SBF2: variants seen among roughly 807,000 people sequenced by gnomAD.
The protein encoded by SBF2 is myotubularin-related protein 13.
SBF2 carries 112 observed loss-of-function variants against 225.2 expected under a neutral mutation model. The observed-to-expected ratio is 0.50, with a 90% CI of 0.43 to 0.58. SBF2 has a LOEUF of 0.58. Ranked by LOEUF, SBF2 falls within the 20% of genes least tolerant of loss-of-function variation. SBF2 has a pLI of 0.00. For synonymous variants in SBF2, 763 were observed against 773.3 expected (o/e 0.99, Z 0.22); for missense variants, 1,996 against 2,206.2 (o/e 0.90, Z 1.91).
At chr11:10,249,516 T>C (rs1197682948) in intron 1 of SBF2, among the ~76,000 whole-genome samples, 1 of 152,228 alleles carries the variant, frequency 6.6e-6, no homozygotes, top group Admixed American at 6.6e-5. Context: ...CCTCTATCAA[T>C]GAGTAAACAT....
chr11:9,882,795 C>CAAAAAAAAAAAAAA (rs56699466), intron 17 of SBF2, among the ~76,000 whole-genome samples: 1 of 90,098 alleles, frequency 1.1e-5, no homozygotes, highest in African/African-American at 3.3e-5. Flanking sequence ...GTGACAGAGT[C>CAAAAAAAAAAAAAA]AAAAAAAAAA....
intron 12 of SBF2, among the ~76,000 whole-genome samples, chr11:9,990,746 C>T (rs1371566510): frequency 6.6e-6 from 1 of 152,052 alleles, no homozygotes. Context: ...TTTGTACAAA[C>T]AATAAATAAA....
intron 13 of SBF2, among the ~76,000 whole-genome samples, chr11:9,974,497 TAA>T (rs1484645119): frequency 2.0e-5 from 3 of 151,962 alleles, no homozygotes; most frequent in Non-Finnish European, 4.4e-5. Flanking sequence ...TTTCCTATTC[TAA>T]GACAAGTACT....
intron 16 of SBF2, among the ~76,000 whole-genome samples, chr11:9,932,974 A>C (rs75300844): frequency 1.6e-4 from 24 of 148,276 alleles, no homozygotes; most frequent in South Asian, 6.3e-4. Context: ...AAAAAAAAAA[A>C]AAAAAAAAAA....
upstream of SBF2, among the ~76,000 whole-genome samples, chr11:10,297,973 A>G (rs1964563484): frequency 6.6e-6 from 1 of 152,214 alleles, no homozygotes; most frequent in African/African-American, 2.4e-5. Context: ...CCTTTCACCA[A>G]AGAGAGAGAG....
chr11:9,905,139 C>T (rs1354150765), intron 16 of SBF2, among the ~76,000 whole-genome samples: 4 of 152,184 alleles, frequency 2.6e-5, no homozygotes, highest in African/African-American at 9.7e-5. Context: ...ATGTAAAATA[C>T]TTAAAATTGT....
intron 16 of SBF2, among the ~76,000 whole-genome samples, chr11:9,950,143 G>A (rs1053455319): frequency 1.3e-5 from 2 of 148,936 alleles, no homozygotes; most frequent in Non-Finnish European, 3.0e-5. Flanking sequence ...CTCGTAAGCA[G>A]GGATTAAAAA....
intron 16 of SBF2, chr11:9,915,628 T>A (rs1863020939): frequency 6.6e-6 from 1 of 152,080 alleles, no homozygotes; most frequent in Non-Finnish European, 1.5e-5. Flanking sequence ...AGACCAGACT[T>A]AAGGTTCCTG....
At chr11:9,786,976 A>T (rs572344254) in intron 36 of SBF2, among the ~76,000 whole-genome samples, 1 of 152,218 alleles carries the variant, frequency 6.6e-6, no homozygotes, top group Non-Finnish European at 1.5e-5. Context: ...ACTCACTGCA[A>T]CCTCCGCCTC....
chr11:10,044,315 T>G (rs991752455), intron 2 of SBF2, among the ~76,000 whole-genome samples: 1 of 151,226 alleles, frequency 6.6e-6, no homozygotes, highest in African/African-American at 2.4e-5. Flanking sequence ...CAGATTGTTC[T>G]GGGCGGGAGA....
chr11:9,795,092 C>T (rs879935944), intron 33 of SBF2, among the ~76,000 whole-genome samples: 4 of 152,076 alleles, frequency 2.6e-5, no homozygotes, highest in African/African-American at 7.2e-5. Context: ...TCCTCTCCCC[C>T]GTAACAGTTA....
At chr11:10,119,053 A>G (rs1224400365) in intron 2 of SBF2, among the ~76,000 whole-genome samples, 2 of 152,112 alleles carry the variant, frequency 1.3e-5, no homozygotes, top group African/African-American at 4.8e-5. Context: ...ATATTTTGCA[A>G]TTCTCAGGGT....
chr11:10,098,242 A>C (rs1174967999), intron 2 of SBF2, among the ~76,000 whole-genome samples: 1 of 152,122 alleles, frequency 6.6e-6, no homozygotes, highest in Non-Finnish European at 1.5e-5. Flanking sequence ...GGAGGCTCTC[A>C]ACAATGGACC....
At chr11:10,192,270 T>A (rs1167131677) in intron 2 of SBF2, among the ~76,000 whole-genome samples, 1 of 152,138 alleles carries the variant, frequency 6.6e-6, no homozygotes, top group Non-Finnish European at 1.5e-5. Context: ...CCATTTTTAA[T>A]GCCAAAATTC....
rs542099331 is a variant in SBF2 at position 10,135,467 on chromosome 11, CT to C, written c.141+58434del. 3.8e-3 allele frequency among the ~76,000 whole-genome samples: 580 copies of C among 152,268 alleles called. 4 individuals are homozygous for C. The highest frequency in any genetic ancestry group is 5.4e-3 in the South Asian group (26 of 4,832). The stretch of plus-strand genomic sequence containing the variant: ...TTTTCCTTTCTATTGCATTGTCAGG[CT>C]GCAAATCATCTGAACGTTTATGCTC... On this transcript the variant is annotated intron_variant, in intron 2 of 39. Transcript: ENST00000256190.
intron 1 of SBF2, among the ~76,000 whole-genome samples, chr11:10,245,175 G>C (rs1169691282): frequency 6.9e-6 from 1 of 145,966 alleles, no homozygotes; most frequent in East Asian, 2.0e-4. Flanking sequence ...AAACTAATTA[G>C]ATATTTATCC....
intron 1 of SBF2, 42 bp downstream of exon 1, chr11:10,293,973 G>A (rs1285410169): frequency 2.3e-6 from 3 of 1,287,084 alleles, no homozygotes; most frequent in East Asian, 3.2e-5. Context: ...CAGCGGCCGG[G>A]GGGCGGGGAG....
At chr11:10,154,913 T>C (rs541315690) in intron 2 of SBF2, among the ~76,000 whole-genome samples, 2 of 152,284 alleles carry the variant, frequency 1.3e-5, no homozygotes, top group East Asian at 3.9e-4. Flanking sequence ...ATGTAGTCTA[T>C]TTTGACAAAC....
At chr11:9,908,171 G>GT (rs1862258017) in intron 16 of SBF2, among the ~76,000 whole-genome samples, 2 of 151,912 alleles carry the variant, frequency 1.3e-5, no homozygotes. Context: ...AAACATAATT[G>GT]TTACAATTAA....
Sources: allele counts gnomAD v4.1 joint callset (sites outside exome capture counted in the v4.1 genomes callset), GRCh38; gene constraint gnomAD v4.1.1; transcripts MANE v1.5; gene names NCBI Gene and HGNC (gene_info 2026-07-23, HGNC 2026-07-21).